Variants in NDST3 observed in about 807,000 individuals in gnomAD.
NDST3 encodes bifunctional heparan sulfate N-deacetylase/N-sulfotransferase 3.
In NDST3, 58 loss-of-function variants were observed where a neutral mutation model predicts 96.1. That is an observed-to-expected ratio of 0.60 (90% CI 0.49 to 0.75). The LOEUF (loss-of-function observed/expected upper bound fraction) is 0.75. Ranked by LOEUF, NDST3 falls within the 30% of genes least tolerant of loss-of-function variation. NDST3 has a pLI of 0.00. For synonymous variants in NDST3, 333 were observed against 359.7 expected (o/e 0.93, Z 0.84); for missense variants, 788 against 1,034.2 (o/e 0.76, Z 3.27).
chr4:118,194,615 G>A, intron 6 of NDST3: 1 of 719,358 alleles, frequency 1.4e-6, no homozygotes, highest in Non-Finnish European at 2.6e-6. Context: ...CCCAATCATG[G>A]GCATCTCTGT....
At chr4:118,188,762 T>G (rs1737127574) in intron 6 of NDST3, among the ~76,000 whole-genome samples, 1 of 152,096 alleles carries the variant, frequency 6.6e-6, no homozygotes, top group South Asian at 2.1e-4. Flanking sequence ...TATCCAAGAG[T>G]GCTTACCAGG....
At chr4:118,251,037 T>G (rs981743048) in intron 12 of NDST3, among the ~76,000 whole-genome samples, 3 of 150,304 alleles carry the variant, frequency 2.0e-5, no homozygotes, top group African/African-American at 4.8e-5. Flanking sequence ...AATTTTCTGG[T>G]TTTTTTCCCT....
intron 1 of NDST3, among the ~76,000 whole-genome samples, chr4:118,043,229 A>T (rs10011715): frequency 0.64 from 97,280 of 152,148 alleles, 34,470 homozygotes; most frequent in South Asian, 0.82. Context: ...ACATTGAATG[A>T]AATAGTTATT....
chr4:118,168,414 T>G (rs566694666), intron 6 of NDST3, among the ~76,000 whole-genome samples: 1 of 152,174 alleles, frequency 6.6e-6, no homozygotes, highest in South Asian at 2.1e-4. Context: ...AAGTAAGTGC[T>G]AGTGAGAATG....
At chr4:118,096,864 T>C (rs1478514622) in intron 2 of NDST3, among the ~76,000 whole-genome samples, 2 of 151,958 alleles carry the variant, frequency 1.3e-5, no homozygotes, top group Non-Finnish European at 2.9e-5. Flanking sequence ...GAACTGGTAG[T>C]GTGCATTCCA....
intron 6 of NDST3, among the ~76,000 whole-genome samples, 174 bp from the exon 7 acceptor site, chr4:118,224,317 A>G (rs1239329893): frequency 2.0e-5 from 3 of 152,132 alleles, no homozygotes; most frequent in Non-Finnish European, 4.4e-5. Flanking sequence ...CACATCCTCC[A>G]GTATGTATTA....
chr4:118,247,004 G>T (rs1741356696), intron 12 of NDST3, among the ~76,000 whole-genome samples: 1 of 152,050 alleles, frequency 6.6e-6, no homozygotes, highest in Admixed American at 6.5e-5. Context: ...AAGCAGTTTT[G>T]CAGTTTCTTA....
Position 118,143,665 on chromosome 4 carries a change from T to C in NDST3, c.1520T>C (p.Phe507Ser). Reference protein sequence around the residue: ...DKSIQGGELFFTVVLNPISIF... With the variant: ...DKSIQGGELFSTVVLNPISIF... ...AGTATCCAAGGAGGAGAACTTTTCT[T>C]CACTGTCGTCCTCAACCCTGTAAGT... Residue 507 changes from phenylalanine to serine, a missense_variant, in exon 6 of 14, where the codon TTC becomes TCC. Phe to Ser is a radical substitution (Grantham distance 155). Coordinates refer to ENST00000296499, the MANE Select transcript of NDST3 (RefSeq NM_004784.3). 1 of 1,603,398 alleles carries C rather than the reference T, an allele frequency of 6.2e-7. No individual in the cohort carries two copies. Among genetic ancestry groups the C allele is most frequent in the Non-Finnish European group, 8.5e-7 (1 of 1,176,886 alleles).
At chr4:118,194,348 C>T in intron 6 of NDST3, 2 of 731,374 alleles carry the variant, frequency 2.7e-6, no homozygotes, top group African/African-American at 1.7e-5. Context: ...CTCCCTTAAA[C>T]TCAAACAACT....
intron 4 of NDST3, among the ~76,000 whole-genome samples, chr4:118,119,415 A>G (rs1028634673): frequency 6.6e-6 from 1 of 152,212 alleles, no homozygotes; most frequent in Admixed American, 6.5e-5. Context: ...TGCACTTTAT[A>G]AAAAGGCATA....
In NDST3 at chr4:118,138,080, C is replaced by T. The variant is rs955948634; in HGVS notation, c.1251C>T (p.Gly417=). Residue 417 remains glycine (G), a synonymous_variant, in exon 5 of 14, where the codon GGC becomes GGT. Coordinates refer to ENST00000296499, the MANE Select transcript of NDST3 (RefSeq NM_004784.3). ...AGCACGGCATTCCAACGGACATGGG[C>T]TACGCTGTGGCCCCTCACCATTCGG... is the stretch of plus-strand genomic sequence containing the variant. ...ALEHGIPTDM[G]YAVAPHHSGV... is the part of the protein sequence containing the mutation. 15 of 1,612,596 alleles carry T rather than the reference C, an allele frequency of 9.3e-6. No homozygotes were observed. In the Admixed American group the frequency reaches 1.2e-4, roughly 13 times the overall value.
At chr4:118,124,277 A>T (rs1731854472) in intron 4 of NDST3, among the ~76,000 whole-genome samples, 1 of 152,052 alleles carries the variant, frequency 6.6e-6, no homozygotes, top group Admixed American at 6.6e-5. Context: ...AGCACTCTGA[A>T]TTGTTTGAGA....
chr4:118,224,467 C>G, intron 6 of NDST3, 24 bp from the exon 7 acceptor site: 1 of 1,582,780 alleles, frequency 6.3e-7, no homozygotes, highest in Non-Finnish European at 8.6e-7. Flanking sequence ...GTTATTTACA[C>G]TGAAGTTCAT....
At chr4:118,175,296 T>C (rs1175455779) in intron 6 of NDST3, among the ~76,000 whole-genome samples, 1 of 152,146 alleles carries the variant, frequency 6.6e-6, no homozygotes, top group African/African-American at 2.4e-5. Flanking sequence ...ATTTCTTCTT[T>C]TCTCTTTCCC....
chr4:118,241,683 C>A (rs1340110806), intron 11 of NDST3, among the ~76,000 whole-genome samples: 3 of 152,196 alleles, frequency 2.0e-5, no homozygotes, highest in Admixed American at 2.0e-4. Flanking sequence ...TATAACCTTT[C>A]TTCTTTTCTA....
At chr4:118,194,730 C>T in intron 6 of NDST3, 1 of 513,478 alleles carries the variant, frequency 1.9e-6, no homozygotes. Context: ...TTCTCAGTCT[C>T]CTTCATCTCC....
chr4:118,210,818 TTC>T (rs1738742087), intron 6 of NDST3, among the ~76,000 whole-genome samples: 1 of 148,672 alleles, frequency 6.7e-6, no homozygotes, highest in Non-Finnish European at 1.5e-5. Context: ...CTCAAGAGGG[TTC>T]CTGATAAAAG....
At chr4:118,091,632 C>T (rs903085309) in intron 2 of NDST3, among the ~76,000 whole-genome samples, 2 of 151,650 alleles carry the variant, frequency 1.3e-5, no homozygotes, top group African/African-American at 4.8e-5. Context: ...GGTGGCCAAA[C>T]CTCTCCTGCT....
At chr4:118,074,422 G>A (rs912205464) in intron 2 of NDST3, among the ~76,000 whole-genome samples, 35 of 152,134 alleles carry the variant, frequency 2.3e-4, no homozygotes, top group African/African-American at 8.0e-4. Context: ...GTGAATCTGG[G>A]TGCTCTACTG....
Sources: allele counts gnomAD v4.1 joint callset (sites outside exome capture counted in the v4.1 genomes callset), GRCh38; gene constraint gnomAD v4.1.1; transcripts MANE v1.5; gene names NCBI Gene and HGNC (gene_info 2026-07-23, HGNC 2026-07-21).